MAGI2: variants seen among roughly 807,000 people sequenced by gnomAD.
The protein encoded by MAGI2 is membrane associated guanylate kinase, WW and PDZ domain containing 2.
In MAGI2, 35 loss-of-function variants were observed where a neutral mutation model predicts 133.3. The observed-to-expected ratio is 0.26, with a 90% CI of 0.20 to 0.35. The LOEUF (loss-of-function observed/expected upper bound fraction) is 0.35, where lower values mean the gene tolerates loss of function less well. Among genes scored for constraint, MAGI2 ranks in the 10% least tolerant of loss-of-function variants. MAGI2 has a pLI of 1.00. For missense variants in MAGI2, 1,636 were observed against 1,863.4 expected (o/e 0.88, Z 2.25); for synonymous variants, 729 against 710.6 (o/e 1.03, Z -0.41).
chr7:78,325,563 C>T (rs1431226964), intron 9 of MAGI2, among the ~76,000 whole-genome samples: 1 of 152,224 alleles, frequency 6.6e-6, no homozygotes, highest in African/African-American at 2.4e-5. Context: ...AGAGGGAACA[C>T]TAATTCTATG....
chr7:78,113,172 A>G (rs1243377493), intron 20 of MAGI2, among the ~76,000 whole-genome samples: 5 of 130,604 alleles, frequency 3.8e-5, no homozygotes, highest in African/African-American at 8.1e-5. Flanking sequence ...GGGACTGGGG[A>G]TAGAACACGC....
intron 3 of MAGI2, among the ~76,000 whole-genome samples, chr7:78,600,028 A>G (rs1805022957): frequency 6.6e-6 from 1 of 152,186 alleles, no homozygotes; most frequent in South Asian, 2.1e-4. Flanking sequence ...TCACTCTTCA[A>G]TGCCTAGTTG....
chr7:78,535,937 A>C (rs1797860052), intron 3 of MAGI2, among the ~76,000 whole-genome samples: 1 of 146,110 alleles, frequency 6.8e-6, no homozygotes, highest in South Asian at 2.2e-4. Flanking sequence ...GACAGCTTCA[A>C]CTCCCTGTGA....
intron 1 of MAGI2, among the ~76,000 whole-genome samples, chr7:79,060,293 T>C (rs1391888529): frequency 6.6e-6 from 1 of 152,106 alleles, no homozygotes; most frequent in Non-Finnish European, 1.5e-5. Flanking sequence ...GCAATGAGAA[T>C]GGAAAAGTAC....
chr7:78,163,592 C>T (rs1375239268), intron 15 of MAGI2, among the ~76,000 whole-genome samples: 1 of 152,054 alleles, frequency 6.6e-6, no homozygotes, highest in Non-Finnish European at 1.5e-5. Context: ...TAACTATTGG[C>T]CAAGAGCTGT....
At position 79,042,556 on chromosome 7, in the gene MAGI2, A is replaced by G. The variant is rs370308431; in HGVS notation, c.302-35350T>C. Among the ~76,000 whole-genome samples the G allele has an allele frequency of 2.1e-4, 32 of 152,328 alleles. No individual in the cohort carries two copies. In the South Asian group the frequency reaches 6.2e-3, roughly 30 times the overall value. The stretch of plus-strand genomic sequence containing the variant: ...AGGTTACTATTTATATACTAAATAT[A>G]TATGCATGCAACACTGAAGCACCCA... On this transcript the variant is annotated intron_variant, in intron 1 of 21. Transcript: ENST00000354212.
chr7:78,594,481 C>T (rs995875741), intron 3 of MAGI2, among the ~76,000 whole-genome samples: 9 of 152,144 alleles, frequency 5.9e-5, no homozygotes, highest in African/African-American at 2.2e-4. Context: ...TTTTTTGAGA[C>T]AGAGTCTTGC....
intron 3 of MAGI2, among the ~76,000 whole-genome samples, chr7:78,532,356 G>A (rs906150108): frequency 2.0e-5 from 3 of 152,180 alleles, no homozygotes; most frequent in African/African-American, 4.8e-5. Flanking sequence ...GACATAATGT[G>A]GAAAACTGTC....
chr7:78,174,150 G>GA (rs1337777947), intron 14 of MAGI2, among the ~76,000 whole-genome samples: 1 of 152,066 alleles, frequency 6.6e-6, no homozygotes, highest in East Asian at 1.9e-4. Flanking sequence ...TGACTTGGTG[G>GA]AAAAAATACA....
chr7:78,114,823 G>T (rs1819696697), intron 20 of MAGI2, among the ~76,000 whole-genome samples: 1 of 152,184 alleles, frequency 6.6e-6, no homozygotes, highest in African/African-American at 2.4e-5. Flanking sequence ...CACAAGTGGG[G>T]ACTGGAGCTG....
chr7:78,695,771 G>T (rs1257261197), intron 2 of MAGI2, among the ~76,000 whole-genome samples: 1 of 152,164 alleles, frequency 6.6e-6, no homozygotes, highest in East Asian at 1.9e-4. Flanking sequence ...TACAGGAATG[G>T]TTTGACAATT....
At chr7:79,123,628 A>T (rs1384531829) in intron 1 of MAGI2, among the ~76,000 whole-genome samples, 1 of 151,884 alleles carries the variant, frequency 6.6e-6, no homozygotes, top group African/African-American at 2.4e-5. Context: ...TCTACTAAAA[A>T]TACAAAAATT....
At chr7:78,110,996 T>C (rs748386220) in intron 20 of MAGI2, among the ~76,000 whole-genome samples, 2 of 152,150 alleles carry the variant, frequency 1.3e-5, no homozygotes, top group Non-Finnish European at 2.9e-5. Context: ...CATTTTCTGA[T>C]GAAAATGGAA....
At chr7:78,571,676 TG>T (rs1278032233) in intron 3 of MAGI2, among the ~76,000 whole-genome samples, 11 of 151,728 alleles carry the variant, frequency 7.2e-5, no homozygotes, top group African/African-American at 2.7e-4. Flanking sequence ...GGTTTGATCA[TG>T]GAAATAACAG....
intron 2 of MAGI2, among the ~76,000 whole-genome samples, chr7:78,772,064 C>T (rs377015683): frequency 6.6e-6 from 1 of 152,152 alleles, no homozygotes; most frequent in South Asian, 2.1e-4. Context: ...AAAACTTGTG[C>T]TAACCTAGTA....
At chr7:78,499,720 C>T (rs1330786922) in intron 5 of MAGI2, among the ~76,000 whole-genome samples, 1 of 152,158 alleles carries the variant, frequency 6.6e-6, no homozygotes, top group Non-Finnish European at 1.5e-5. Flanking sequence ...TGTCATGCTG[C>T]TTTCCTTTTA....
chr7:78,558,964 A>G lies in MAGI2; in HGVS notation c.539-37319T>C, dbSNP rs1490525362. Among the ~76,000 whole-genome samples the G allele has an allele frequency of 3.3e-5, 5 of 151,100 alleles. 1 individual carries two copies. Among genetic ancestry groups the G allele is most frequent in the African/African-American group, 1.2e-4 (5 of 41,144 alleles). On this transcript the variant is annotated intron_variant, in intron 3 of 21. Transcript: ENST00000354212. ...TTTTACAGTCACTTAAATATACATG[A>G]GACTAATTTTAAATTTCAGGAACCC...
At chr7:79,033,666 G>T (rs1281912813) in intron 1 of MAGI2, among the ~76,000 whole-genome samples, 1 of 152,216 alleles carries the variant, frequency 6.6e-6, no homozygotes, top group East Asian at 1.9e-4. Context: ...GGGTGTTCAG[G>T]ATACATAGTT....
intron 7 of MAGI2, among the ~76,000 whole-genome samples, chr7:78,361,408 C>T (rs1792791137): frequency 1.5e-5 from 2 of 136,274 alleles, no homozygotes; most frequent in Non-Finnish European, 3.2e-5. Flanking sequence ...AAAAAAAAAG[C>T]TTGAAGACAA....
Sources: gnomAD v4.1 joint callset for allele counts (sites outside exome capture counted in the v4.1 genomes callset) on GRCh38, gnomAD v4.1.1 for gene constraint, MANE v1.5 for transcripts, NCBI Gene and HGNC (gene_info 2026-07-23, HGNC 2026-07-21) for gene names.